LRIT3: variants seen among roughly 807,000 people sequenced by gnomAD.
The protein encoded by LRIT3 is leucine-rich repeat, immunoglobulin-like domain and transmembrane domain-containing protein 3.
LRIT3 carries 14 observed loss-of-function variants against 22.6 expected under a neutral mutation model. The ratio of observed to expected loss-of-function variants is 0.62; its 90% CI spans 0.41 to 0.97. The LOEUF is 0.97. LRIT3 is among the 50% of genes least tolerant of loss of function. LRIT3 has a pLI of 0.00. For missense variants in LRIT3, 783 were observed against 803.0 expected (o/e 0.98, Z 0.30); for synonymous variants, 306 against 304.5 (o/e 1.01, Z -0.05).
Position 109,869,817 on chromosome 4 carries a change from C to G in LRIT3, c.1068C>G (p.Asp356Glu), listed in dbSNP as rs145673663. The G allele has an allele frequency of 1.9e-5, 30 of 1,613,842 alleles. No individual in the cohort carries two copies. The highest frequency in any genetic ancestry group is 1.6e-4 in the Middle Eastern group (1 of 6,084). Residue 356 changes from aspartate to glutamate, a missense_variant, in exon 4 of 4, where the codon GAC (aspartate) becomes GAG (glutamate). Asp to Glu is a conservative substitution (Grantham distance 45). Around this residue, in one of 2 missense-constraint regions of LRIT3, gnomAD observed 756 missense variants for 753.8 expected, o/e 1.00. Coordinates refer to ENST00000594814, the MANE Select transcript of LRIT3 (RefSeq NM_198506.5). ...LGITTTPIPP[D>E]TSERTGDHPE... Reference sequence around the variant, plus strand: ...TTACCACAACTCCAATACCACCAGACACTTCTGAAAGAACTGGAGATCATC... The same window carrying G: ...TTACCACAACTCCAATACCACCAGAGACTTCTGAAAGAACTGGAGATCATC...
chr4:109,851,915 G>C lies in LRIT3; in HGVS notation c.528G>C (p.Trp176Cys). 1 of 1,551,598 alleles carries C rather than the reference G, an allele frequency of 6.4e-7. No individual in the cohort carries two copies. The highest frequency in any genetic ancestry group is 8.7e-7 in the Non-Finnish European group (1 of 1,146,962). Residue 176 changes from tryptophan to cysteine, a missense_variant, in exon 2 of 4, where the codon TGG becomes TGC. By Grantham distance (215) the Trp-to-Cys change is radical (BLOSUM62 -2). Coordinates refer to ENST00000594814, the MANE Select transcript of LRIT3 (RefSeq NM_198506.5). ...TTLPPDFLES[W>C]THLVSTPSGV... ...TGCCACCAGATTTCCTGGAGAGCTG[G>C]ACTCATTTAGTTTCAACACCTTCTG...
At chr4:109,856,366 A>G (rs1030301173) in intron 2 of LRIT3, among the ~76,000 whole-genome samples, 22 of 152,230 alleles carry the variant, frequency 1.4e-4, no homozygotes, top group African/African-American at 5.1e-4. Flanking sequence ...ATTTTTTCCA[A>G]TTTTACACAT....
rs1734842880 is a variant in LRIT3 at position 109,871,785 on chromosome 4, G to T, written c.*996G>T. ...TTAGGACTTTAAAAGGGAAGCTTCAGTGGATTCATTTGGTTAGATTCTTTT... is the reference window on the plus strand; with the variant it reads ...TTAGGACTTTAAAAGGGAAGCTTCATTGGATTCATTTGGTTAGATTCTTTT... On this transcript the variant is annotated 3_prime_UTR_variant, in exon 4 of 4. Transcript: ENST00000594814. 6.6e-6 allele frequency: 1 copy of T among 152,222 alleles called. No homozygotes were observed. 9.4% of individuals were successfully genotyped at this position (152,222 alleles called of 1,614,324 possible). A position where few individuals can be genotyped will look rare whatever the true frequency, so the allele number is the denominator to read the frequency against.
intron 1 of LRIT3, among the ~76,000 whole-genome samples, chr4:109,850,415 C>CTTCT (rs1560588933): frequency 4.5e-4 from 8 of 17,726 alleles, no homozygotes; most frequent in East Asian, 3.7e-3. Flanking sequence ...TCCTTCCTTC[C>CTTCT]TTCCTTCCTT....
chr4:109,868,908 G>T (rs938522736), intron 3 of LRIT3, among the ~76,000 whole-genome samples: 3 of 152,058 alleles, frequency 2.0e-5, no homozygotes, highest in Admixed American at 1.3e-4. Context: ...TAAGTTTTGG[G>T]CTACTGGGCT....
rs961294468 is a variant in LRIT3 at position 109,848,163 on chromosome 4, G to A, written c.-39G>A. On this transcript the variant is annotated 5_prime_UTR_variant, in exon 1 of 4. Coordinates refer to ENST00000594814, the MANE Select transcript of LRIT3 (RefSeq NM_198506.5). ...ACCAGGTTCTGAATGCTTAGGATTCGGTTTTTACCTTTTGTTTAAATAACC... is the reference window on the plus strand; with the variant it reads ...ACCAGGTTCTGAATGCTTAGGATTCAGTTTTTACCTTTTGTTTAAATAACC... 25 of 1,119,204 alleles carry A rather than the reference G, an allele frequency of 2.2e-5. No homozygotes were observed. Among genetic ancestry groups the A allele is most frequent in the African/African-American group, 1.9e-4 (12 of 62,132 alleles). 69.3% of individuals were successfully genotyped at this position (1,119,204 alleles called of 1,614,324 possible).
chr4:109,850,354 T>TC (rs1438182993), intron 1 of LRIT3, among the ~76,000 whole-genome samples: 1,735 of 137,098 alleles, frequency 0.013, 27 homozygotes, highest in Middle Eastern at 0.031. Flanking sequence ...GACAGTGTTG[T>TC]CTTCCTTCCT....
Position 109,869,751 on chromosome 4 carries a change from TG to T in LRIT3, c.1005del (p.Met336CysfsTer8). 6.2e-7 allele frequency: 1 copy of T among 1,613,730 alleles called. No homozygotes were observed. Among genetic ancestry groups the T allele is most frequent in the Non-Finnish European group, 8.5e-7 (1 of 1,179,680 alleles). Reference protein sequence around the residue: ...DYKCKAKNLAGMSEAVVTVTV... With the variant: ...DYKCKAKNLAXMSEAVVTVTV... ...ACAAATGTAAGGCCAAAAATCTGGCTGGGATGTCAGAAGCTGTGGTTACTGT... is the reference window on the plus strand; with the variant it reads ...ACAAATGTAAGGCCAAAAATCTGGCTGGATGTCAGAAGCTGTGGTTACTGT... On this transcript the variant is annotated frameshift_variant, in exon 4 of 4. Coordinates refer to ENST00000594814, the MANE Select transcript of LRIT3 (RefSeq NM_198506.5). LOFTEE classifies it low-confidence loss of function (END_TRUNC).
rs538660132 is a variant in LRIT3 at position 109,858,583 on chromosome 4, A to G, written c.589+6607A>G. On this transcript the variant is annotated intron_variant, in intron 2 of 3. Coordinates refer to ENST00000594814, the MANE Select transcript of LRIT3 (RefSeq NM_198506.5). ...ATAGAAACTTTTGACCATATATTAG[A>G]TTGAACATCTTTCCACCATACTTCC... Among the ~76,000 whole-genome samples, 3 of 152,268 alleles carry G rather than the reference A, an allele frequency of 2.0e-5. No homozygotes were observed. The East Asian group carries it at 5.8e-4, about 29-fold the overall frequency.
chr4:109,851,657 C>A lies in LRIT3; in HGVS notation c.270C>A (p.Tyr90Ter). The change falls in exon 2 of 4, where the codon TAC becomes TAA. Residue 90 changes from tyrosine (Y) to a stop codon, truncating the protein, a stop_gained. Coordinates refer to ENST00000594814, the MANE Select transcript of LRIT3 (RefSeq NM_198506.5). LOFTEE classifies it high-confidence loss of function. ...AGCTCCAGTATCTCTGGGTGACTTA[C>A]AATTCCGTGGCCAGCATTGACCCCA... ...LVELQYLWVTYNSVASIDPSS... is the reference protein window; with the variant it reads ...LVELQYLWVT The A allele has an allele frequency of 1.3e-6, 2 of 1,551,744 alleles. No individual in the cohort carries two copies. Among genetic ancestry groups the A allele is most frequent in the Non-Finnish European group, 1.7e-6 (2 of 1,146,992 alleles).
Position 109,870,548 on chromosome 4 carries a change from G to A in LRIT3, c.1799G>A (p.Cys600Tyr). 6.2e-7 allele frequency: 1 copy of A among 1,614,098 alleles called. No homozygotes were observed. Among genetic ancestry groups the A allele is most frequent in the South Asian group, 1.1e-5 (1 of 91,074 alleles). The change falls in exon 4 of 4, where the codon TGT (cysteine) becomes TAT (tyrosine). Residue 600 changes from cysteine to tyrosine, a missense_variant. Cys to Tyr is a radical substitution (Grantham distance 194). Transcript: ENST00000594814. ...TACVVILPLICFLLYKVCKLQ... is the reference protein window; with the variant it reads ...TACVVILPLIYFLLYKVCKLQ... ...TGTGTTGTTATCTTACCATTGATTT[G>A]TTTCTTGTTGTACAAAGTTTGCAAA...
chr4:109,850,240 T>A (rs1001894564), intron 1 of LRIT3, among the ~76,000 whole-genome samples: 65 of 152,282 alleles, frequency 4.3e-4, no homozygotes, highest in African/African-American at 1.6e-3. Flanking sequence ...TTCTTATTGT[T>A]CATTTTTCAT....
rs759249287 is a variant in LRIT3 at position 109,867,947 on chromosome 4, G to A, written c.895+1G>A. ...GACAGCTCGCCAGTTAATTATACAG[G>A]TATTTTCTTAATTCAGCCCCATGAT... On this transcript the variant is annotated splice_donor_variant, in intron 3 of 3. Transcript: ENST00000594814. LOFTEE classifies it high-confidence loss of function. The A allele has an allele frequency of 3.1e-6, 5 of 1,604,518 alleles. No homozygotes were observed. Among genetic ancestry groups the A allele is most frequent in the Non-Finnish European group, 4.3e-6 (5 of 1,173,866 alleles).
chr4:109,850,393 TCCTTCCTTCCTTCCTTCCTTCCTTCCTTC>T (rs1453473717), intron 1 of LRIT3, among the ~76,000 whole-genome samples: 3 of 690 alleles, frequency 4.3e-3, no homozygotes, highest in Admixed American at 0.045. Context: ...CTTCCTTCCT[TCCTTCCTTCCTTCCTTCCTTCCTTCCTTC>T]CTTTCTTTCT....
chr4:109,854,416 G>T (rs1240777821), intron 2 of LRIT3, among the ~76,000 whole-genome samples: 2 of 152,156 alleles, frequency 1.3e-5, no homozygotes, highest in Non-Finnish European at 1.5e-5. Flanking sequence ...AAATGCTTGT[G>T]ATTTTAGCAC....
At chr4:109,864,111 G>A (rs572959798) in intron 2 of LRIT3, among the ~76,000 whole-genome samples, 4 of 152,180 alleles carry the variant, frequency 2.6e-5, no homozygotes, top group Admixed American at 1.3e-4. Flanking sequence ...GCTATGATGA[G>A]CATAGCTTTT....
intron 2 of LRIT3, among the ~76,000 whole-genome samples, chr4:109,862,505 T>A (rs1243413808): frequency 6.6e-6 from 1 of 152,238 alleles, no homozygotes; most frequent in Admixed American, 6.5e-5. Flanking sequence ...AGACATTTTA[T>A]TTTTGAAGGA....
At chr4:109,850,456 T>C (rs567765844) in intron 1 of LRIT3, among the ~76,000 whole-genome samples, 15 of 130,452 alleles carry the variant, frequency 1.1e-4, no homozygotes, top group Non-Finnish European at 1.8e-4. Context: ...TCTTTCTTTC[T>C]TTCTTTCTTT....
At chr4:109,858,141 A>G (rs1040208565) in intron 2 of LRIT3, among the ~76,000 whole-genome samples, 7 of 152,208 alleles carry the variant, frequency 4.6e-5, no homozygotes, top group African/African-American at 1.2e-4. Flanking sequence ...TCCAAATACT[A>G]TCATTAACAT....
Sources: gnomAD v4.1 joint callset for allele counts (sites outside exome capture counted in the v4.1 genomes callset) on GRCh38, gnomAD v4.1.1 for gene constraint, gnomAD v4.1.1 regional missense constraint, MANE v1.5 for transcripts, NCBI Gene and HGNC (gene_info 2026-07-23, HGNC 2026-07-21) for gene names.